WWP2: variants seen among roughly 807,000 people sequenced by gnomAD.
WWP2 encodes the protein WW domain containing E3 ubiquitin protein ligase 2.
In WWP2, 57 loss-of-function variants were observed where a neutral mutation model predicts 121.0. That is an observed-to-expected ratio of 0.47 (90% CI 0.38 to 0.59). WWP2 has a LOEUF of 0.59. Ranked by LOEUF, WWP2 falls within the 20% of genes least tolerant of loss-of-function variation. The pLI, the probability that WWP2 is intolerant of heterozygous loss-of-function variation, is 0.00. For missense variants in WWP2, 962 were observed against 1,158.9 expected (o/e 0.83, Z 2.47); for synonymous variants, 449 against 441.3 (o/e 1.02, Z -0.22).
In WWP2 at chr16:69,930,196, C is replaced by T; in HGVS notation, c.1383C>T (p.Tyr461=). The change falls in exon 13 of 24, where the codon TAC becomes TAT. Residue 461 remains tyrosine, a synonymous_variant. Coordinates refer to ENST00000359154, the MANE Select transcript of WWP2 (RefSeq NM_001270454.2). Reference sequence around the variant, plus strand: ...AATACACCAGCGAGGGGGTGCGATACTTTGTGGACCACAATACCCGCACCA... The same window carrying T: ...AATACACCAGCGAGGGGGTGCGATATTTTGTGGACCACAATACCCGCACCA... The part of the protein sequence containing the change: ...EMKYTSEGVR[Y]FVDHNTRTTT... 1 of 1,614,038 alleles carries T rather than the reference C, an allele frequency of 6.2e-7. No homozygotes were observed. The highest frequency in any genetic ancestry group is 1.1e-5 in the South Asian group (1 of 91,038).
chr16:69,777,947 G>A (rs866089596), intron 1 of WWP2, among the ~76,000 whole-genome samples: 40 of 150,622 alleles, frequency 2.7e-4, no homozygotes, highest in South Asian at 6.3e-4. Context: ...GCTGGTGCCT[G>A]TAGTCCCAGC....
intron 6 of WWP2, among the ~76,000 whole-genome samples, chr16:69,865,595 G>C (rs918650853): frequency 6.6e-6 from 1 of 152,196 alleles, no homozygotes; most frequent in African/African-American, 2.4e-5. Context: ...GGAAAGATGA[G>C]ACAGTAATTT....
At chr16:69,911,861 T>C (rs1346196270) in intron 9 of WWP2, among the ~76,000 whole-genome samples, 1 of 152,136 alleles carries the variant, frequency 6.6e-6, no homozygotes, top group Non-Finnish European at 1.5e-5. Flanking sequence ...TAGTTTCTGA[T>C]AGATAAATGG....
rs756797873 is a variant in WWP2 at position 69,798,712 on chromosome 16, G to C, written c.101G>C (p.Arg34Pro). ...VVSAKPKVHNRQPRINSYVEV... is the reference protein window; with the variant it reads ...VVSAKPKVHNPQPRINSYVEV... ...TCCGCAAAGCCCAAGGTGCATAATCGTCAACCTCGAATTAACTCCTACGTG... is the reference window on the plus strand; with the variant it reads ...TCCGCAAAGCCCAAGGTGCATAATCCTCAACCTCGAATTAACTCCTACGTG... The change falls in exon 3 of 24, where the codon CGT (arginine) becomes CCT (proline). Residue 34 changes from arginine (R) to proline (P), a missense_variant. Arg to Pro is a moderately radical substitution (Grantham distance 103). Transcript: ENST00000359154. 2 of 1,613,884 alleles carry C rather than the reference G, an allele frequency of 1.2e-6. No individual in the cohort carries two copies. The highest frequency in any genetic ancestry group is 2.2e-5 in the South Asian group (2 of 91,066).
intron 6 of WWP2, among the ~76,000 whole-genome samples, chr16:69,850,277 C>T (rs1200558841): frequency 2.0e-5 from 3 of 151,470 alleles, no homozygotes; most frequent in African/African-American, 7.3e-5. Context: ...GTCCCAGCTA[C>T]TCGGGAGGCT....
At chr16:69,880,146 T>C (rs1229909027) in intron 7 of WWP2, among the ~76,000 whole-genome samples, 2 of 150,874 alleles carry the variant, frequency 1.3e-5, no homozygotes, top group African/African-American at 4.9e-5. Flanking sequence ...ACTATAAATA[T>C]GTATTTATAC....
intron 6 of WWP2, among the ~76,000 whole-genome samples, chr16:69,867,599 G>T (rs946442804): frequency 2.6e-5 from 4 of 152,224 alleles, no homozygotes; most frequent in Non-Finnish European, 4.4e-5. Flanking sequence ...GACCTCATCT[G>T]TGTCAGAACC....
intron 10 of WWP2, among the ~76,000 whole-genome samples, chr16:69,919,787 CTTTTT>C (rs1326246941): frequency 1.6e-5 from 2 of 124,410 alleles, no homozygotes; most frequent in African/African-American, 3.0e-5. Flanking sequence ...GGGTCCCTGA[CTTTTT>C]TTTTTTTTTT....
chr16:69,818,454 G>A (rs545191957), intron 4 of WWP2, among the ~76,000 whole-genome samples: 12 of 152,044 alleles, frequency 7.9e-5, no homozygotes, highest in African/African-American at 2.9e-4. Context: ...TGATCTGCCT[G>A]CCTCAGCCTC....
intron 4 of WWP2, among the ~76,000 whole-genome samples, chr16:69,809,570 C>T (rs1450317454): frequency 6.6e-6 from 1 of 152,184 alleles, no homozygotes; most frequent in East Asian, 1.9e-4. Flanking sequence ...AGTTCGAGAC[C>T]AGCCTGACCA....
chr16:69,871,864 C>T lies in WWP2; in HGVS notation c.636C>T (p.Pro212=), dbSNP rs373897134. 2.5e-5 allele frequency: 41 copies of T among 1,613,932 alleles called. No individual in the cohort carries two copies. The highest frequency in any genetic ancestry group is 3.2e-5 in the Non-Finnish European group (38 of 1,180,042). ...RTTPATGEQS[P]GARSRHRQPV... ...CCCCAGCAACCGGCGAGCAAAGCCC[C>T]GGTGCTCGGAGCCGGCACCGCCAGC... Residue 212 remains proline (P), a synonymous_variant, in exon 7 of 24, where the codon CCC becomes CCT. Transcript: ENST00000359154.
At chr16:69,802,397 A>T (rs992334105) in intron 4 of WWP2, among the ~76,000 whole-genome samples, 1 of 151,974 alleles carries the variant, frequency 6.6e-6, no homozygotes, top group Non-Finnish European at 1.5e-5. Context: ...GTCCCATTAA[A>T]CCATGACTCC....
intron 9 of WWP2, among the ~76,000 whole-genome samples, chr16:69,912,955 AATATAT>A (rs1567427338): frequency 6.0e-4 from 5 of 8,348 alleles, no homozygotes; most frequent in African/African-American, 1.7e-3. Context: ...AAAAAAAAAA[AATATAT>A]ATATATATAT....
At chr16:69,789,043 T>A (rs576490046) in intron 2 of WWP2, among the ~76,000 whole-genome samples, 5 of 152,092 alleles carry the variant, frequency 3.3e-5, no homozygotes, top group Non-Finnish European at 7.4e-5. Flanking sequence ...AGTTTAAAAA[T>A]CTTAGTTTTT....
intron 16 of WWP2, among the ~76,000 whole-genome samples, chr16:69,933,437 C>G (rs1304842593): frequency 6.6e-6 from 1 of 152,142 alleles, no homozygotes; most frequent in African/African-American, 2.4e-5. Context: ...CATGAGGTTT[C>G]TCATCTGAAG....
chr16:69,888,375 T>C (rs2057965755), intron 8 of WWP2, 126 bp downstream of exon 8: 6 of 986,626 alleles, frequency 6.1e-6, no homozygotes, highest in South Asian at 3.4e-5. Context: ...CTGCTGTGCA[T>C]TGAAGCAAGG....
chr16:69,908,643 A>G (rs919319353), intron 8 of WWP2, 118 bp from the exon 9 acceptor site: 3 of 1,538,508 alleles, frequency 1.9e-6, no homozygotes, highest in East Asian at 2.3e-5. Context: ...TCGGCCTCGC[A>G]TGTCATCTTT....
intron 4 of WWP2, among the ~76,000 whole-genome samples, chr16:69,836,951 C>T (rs1270271783): frequency 1.3e-5 from 2 of 148,816 alleles, no homozygotes; most frequent in African/African-American, 5.0e-5. Context: ...GAGACGCAGT[C>T]TCATTTTGGT....
At chr16:69,817,659 CT>C (rs200998762) in intron 4 of WWP2, among the ~76,000 whole-genome samples, 4,180 of 119,092 alleles carry the variant, frequency 0.035, 55 homozygotes, top group Non-Finnish European at 0.053. Flanking sequence ...TTGTTAAACT[CT>C]TTTTTTTTTT....
Sources: gnomAD v4.1 joint callset for allele counts (sites outside exome capture counted in the v4.1 genomes callset) on GRCh38, gnomAD v4.1.1 for gene constraint, MANE v1.5 for transcripts, NCBI Gene and HGNC (gene_info 2026-07-23, HGNC 2026-07-21) for gene names.